The following SHLD1 variants were observed in gnomAD, a reference collection of about 807,000 sequenced individuals.
The protein encoded by SHLD1 is shieldin complex subunit 1, also known as RINN1-REV7-interacting novel NHEJ regulator 3.
Under a neutral mutation model 5.5 loss-of-function variants are expected in SHLD1, and 3 were observed. The observed-to-expected ratio is 0.54, with a 90% confidence interval of 0.25 to 1.40. The LOEUF (loss-of-function observed/expected upper bound fraction) is 1.40. Ranked by LOEUF, SHLD1 falls within the 40% of genes most tolerant of loss-of-function variation. The probability of loss-of-function intolerance (pLI) is 0.15; values close to 1 mark genes in which losing one functional copy is unlikely to be tolerated. For synonymous variants in SHLD1, 92 were observed against 94.3 expected, an observed-to-expected ratio of 0.98 and a Z score of 0.14; for missense variants, 210 against 244.4, an observed-to-expected ratio of 0.86 and a Z score of 0.94.
At chr20:5,756,566 C>A (rs1234457629) in intron 1 of SHLD1, 3 of 155,484 alleles carry the variant, frequency 1.9e-5, no homozygotes, top group Non-Finnish European at 2.9e-5. Context: ...TTATTGCTAG[C>A]ATACATAAAT....
At chr20:5,767,539 G>A (rs1984909854) in intron 1 of SHLD1, among the ~76,000 whole-genome samples, 2 of 152,106 alleles carry the variant, frequency 1.3e-5, no homozygotes, top group African/African-American at 4.8e-5. Context: ...CCTCATTCAT[G>A]TGCTCTTCCT....
At chr20:5,782,209 C>T (rs7271644) in intron 2 of SHLD1, among the ~76,000 whole-genome samples, 2,293 of 152,246 alleles carry the variant, frequency 0.015, 28 homozygotes, top group Middle Eastern at 0.12. Context: ...TCGTTTGCTG[C>T]TTGGCTCAAG....
intron 1 of SHLD1, among the ~76,000 whole-genome samples, chr20:5,752,411 A>G (rs966637288): frequency 6.6e-6 from 1 of 150,456 alleles, no homozygotes; most frequent in Non-Finnish European, 1.5e-5. Context: ...AAAAAAAAAC[A>G]AAAAAGAGAG....
intron 2 of SHLD1, among the ~76,000 whole-genome samples, chr20:5,792,353 G>T (rs1169496144): frequency 6.6e-6 from 1 of 152,016 alleles, no homozygotes; most frequent in Non-Finnish European, 1.5e-5. Context: ...ATCCATTTTT[G>T]AATTAATTTT....
At chr20:5,765,741 C>A (rs796199747) in intron 1 of SHLD1, among the ~76,000 whole-genome samples, 5 of 143,958 alleles carry the variant, frequency 3.5e-5, no homozygotes, top group African/African-American at 1.3e-4. Flanking sequence ...CACTGAGTCC[C>A]AAATAATGTA....
chr20:5,847,431 T>G (rs2087945562), intron 2 of SHLD1, among the ~76,000 whole-genome samples: 1 of 152,202 alleles, frequency 6.6e-6, no homozygotes, highest in African/African-American at 2.4e-5. Context: ...AGGTCCTTGT[T>G]TCACCCTCAC....
intron 2 of SHLD1, among the ~76,000 whole-genome samples, chr20:5,812,854 C>G (rs1467294175): frequency 6.6e-6 from 1 of 152,052 alleles, no homozygotes; most frequent in Non-Finnish European, 1.5e-5. Context: ...CTCTCCCTCT[C>G]TTTAAGGGGC....
intron 2 of SHLD1, among the ~76,000 whole-genome samples, chr20:5,836,621 CT>C (rs2087792426): frequency 1.3e-5 from 2 of 152,200 alleles, no homozygotes; most frequent in African/African-American, 4.8e-5. Context: ...GCATTTATGT[CT>C]CTGATTCAAT....
At chr20:5,832,604 C>T (rs1163600544) in intron 2 of SHLD1, among the ~76,000 whole-genome samples, 1 of 151,948 alleles carries the variant, frequency 6.6e-6, no homozygotes, top group East Asian at 1.9e-4. Flanking sequence ...CACCCAGCTA[C>T]GGCTTAAATT....
At chr20:5,825,207 T>C (rs776996721) in intron 2 of SHLD1, among the ~76,000 whole-genome samples, 10 of 152,214 alleles carry the variant, frequency 6.6e-5, no homozygotes, top group Non-Finnish European at 1.2e-4. Context: ...GCTTCAGAAA[T>C]GGACCATTCT....
chr20:5,849,463 A>T (rs955179270), intron 2 of SHLD1, among the ~76,000 whole-genome samples: 2 of 152,264 alleles, frequency 1.3e-5, no homozygotes, highest in Non-Finnish European at 2.9e-5. Flanking sequence ...CTTATTGTTT[A>T]TAACATGGAC....
intron 2 of SHLD1, among the ~76,000 whole-genome samples, chr20:5,858,142 A>T (rs891670928): frequency 6.6e-6 from 1 of 151,738 alleles, no homozygotes; most frequent in Non-Finnish European, 1.5e-5. Context: ...CAGCTCTGTA[A>T]CCTCCTTGAA....
At chr20:5,824,677 A>G (rs1287119078) in intron 2 of SHLD1, among the ~76,000 whole-genome samples, 2 of 149,650 alleles carry the variant, frequency 1.3e-5, no homozygotes, top group African/African-American at 4.9e-5. Flanking sequence ...ACTTCAGGAG[A>G]TGAAGGTTGC....
At chr20:5,854,505 C>G (rs2088056035) in intron 2 of SHLD1, among the ~76,000 whole-genome samples, 2 of 152,108 alleles carry the variant, frequency 1.3e-5, no homozygotes, top group South Asian at 4.1e-4. Context: ...CCTTAAGTTA[C>G]TAAGGCTTCT....
At chr20:5,862,929 C>T in intron 2 of SHLD1, 95 bp from the exon 3 acceptor site, 1 of 1,067,934 alleles carries the variant, frequency 9.4e-7, no homozygotes, top group Non-Finnish European at 1.3e-6. Flanking sequence ...GAACAGTAAG[C>T]ATGTTGAACT....
At chr20:5,815,344 G>A (rs373160571) in intron 2 of SHLD1, among the ~76,000 whole-genome samples, 46 of 152,258 alleles carry the variant, frequency 3.0e-4, no homozygotes, top group African/African-American at 1.1e-3. Flanking sequence ...AAAAACCACT[G>A]CCTTAGAGCA....
At chr20:5,858,545 A>G (rs560653455) in intron 2 of SHLD1, among the ~76,000 whole-genome samples, 1 of 152,332 alleles carries the variant, frequency 6.6e-6, no homozygotes, top group East Asian at 1.9e-4. Context: ...AACAATCTCA[A>G]GTATCAGGCT....
chr20:5,845,814 C>T (rs1216389659), intron 2 of SHLD1, among the ~76,000 whole-genome samples: 1 of 152,080 alleles, frequency 6.6e-6, no homozygotes, highest in East Asian at 1.9e-4. Context: ...AAGAAGCTTC[C>T]AGAGGGAGTG....
In SHLD1 at chr20:5,817,432, CTGTGTGTG is replaced by C. The variant is rs1190340129; in HGVS notation, c.178+44423_178+44430del. 2.3e-3 allele frequency among the ~76,000 whole-genome samples: 197 copies of C among 85,546 alleles called. 5 individuals carry two copies. Among genetic ancestry groups the C allele is most frequent in the South Asian group, 3.9e-3 (8 of 2,038 alleles). The allele number at this position is 85,546 out of a possible 152,430, so 56.1% of individuals were successfully genotyped here. On this transcript the variant is annotated intron_variant, in intron 2 of 2. Coordinates refer to ENST00000303142, the MANE Select transcript of SHLD1 (RefSeq NM_152504.4). ...TCTCTCTCTCTCTCTCTCTCTCTCT[CTGTGTGTG>C]TGTGTGTGTGTGTGTGTGTGTGTGT... is the stretch of plus-strand genomic sequence containing the variant.
Sources: gnomAD v4.1 joint callset for allele counts (sites outside exome capture counted in the v4.1 genomes callset) on GRCh38, gnomAD v4.1.1 for gene constraint, MANE v1.5 for transcripts, NCBI Gene and HGNC (gene_info 2026-07-23, HGNC 2026-07-21) for gene names.